Variants in RIMS2 observed in about 807,000 individuals in gnomAD.
RIMS2 encodes regulating synaptic membrane exocytosis 2.
A neutral mutation model predicts 174.4 loss-of-function variants in RIMS2; 59 were observed. The observed-to-expected ratio is 0.34, with a 90% CI of 0.27 to 0.42. RIMS2 has a LOEUF of 0.42. Among genes scored for constraint, RIMS2 ranks in the 10% least tolerant of loss-of-function variants. The probability of loss-of-function intolerance (pLI) is 1.00; values close to 1 mark genes in which losing one functional copy is unlikely to be tolerated. For missense variants in RIMS2, 1,620 were observed against 1,666.3 expected, an observed-to-expected ratio of 0.97 and a Z score of 0.48; for synonymous variants, 606 against 572.5, an observed-to-expected ratio of 1.06 and a Z score of -0.84.
intron 3 of RIMS2, among the ~76,000 whole-genome samples, chr8:103,771,188 A>G (rs2098249127): frequency 1.3e-5 from 2 of 152,238 alleles, no homozygotes; most frequent in Non-Finnish European, 2.9e-5. Context: ...CTTACTTAAC[A>G]TATAGTCATA....
rs552461402 is a variant in RIMS2, at chr8:104,055,290, A to G, written c.3334+40675A>G. Among the ~76,000 whole-genome samples, 33 of 152,286 alleles carry G rather than the reference A, an allele frequency of 2.2e-4. No individual in the cohort carries two copies. In the South Asian group the frequency reaches 6.4e-3, roughly 30 times the overall value. On this transcript the variant is annotated intron_variant, in intron 19 of 23. Coordinates refer to ENST00000504942, the Ensembl canonical transcript of RIMS2. Reference sequence around the variant, plus strand: ...TTTAGTTCATAAATTTAGATCCCAGATATGGAATACAGTGATATTTGATAA... The same window carrying G: ...TTTAGTTCATAAATTTAGATCCCAGGTATGGAATACAGTGATATTTGATAA...
rs1010935662 is a variant in RIMS2, at chr8:104,059,951, G to A, written c.3334+45336G>A. Reference sequence around the variant, plus strand: ...GGTCATGGTGGATAAGCTTTTTGATGTGCTGCTGGATTCGTTTTGCCAGTA... The same window carrying A: ...GGTCATGGTGGATAAGCTTTTTGATATGCTGCTGGATTCGTTTTGCCAGTA... On this transcript the variant is annotated intron_variant, in intron 19 of 23. Transcript: ENST00000504942. Among the ~76,000 whole-genome samples, 23 of 152,152 alleles carry A rather than the reference G, an allele frequency of 1.5e-4. 1 individual carries two copies. Among genetic ancestry groups the A allele is most frequent in the South Asian group, 1.2e-3 (6 of 4,808 alleles).
intron 14 of RIMS2, 128 bp downstream of exon 16, chr8:103,943,054 G>A: frequency 1.5e-6 from 1 of 672,132 alleles, no homozygotes; most frequent in Non-Finnish European, 2.4e-6. Flanking sequence ...CCATAGCTAT[G>A]AATTGTTTGA....
intron 17 of RIMS2, among the ~76,000 whole-genome samples, chr8:104,007,965 G>A (rs951079720): frequency 6.6e-6 from 1 of 152,064 alleles, no homozygotes; most frequent in South Asian, 2.1e-4. Flanking sequence ...CTCTATCCAC[G>A]TAAAAACAGC....
At chr8:104,123,430 A>AT (rs1455415531) in intron 19 of RIMS2, among the ~76,000 whole-genome samples, 2 of 152,014 alleles carry the variant, frequency 1.3e-5, no homozygotes, top group Admixed American at 1.3e-4. Context: ...TAAAACCTTT[A>AT]AGTATGAAAT....
chr8:104,060,248 G>T (rs879712919), intron 19 of RIMS2, among the ~76,000 whole-genome samples: 107 of 150,744 alleles, frequency 7.1e-4, no homozygotes, highest in Non-Finnish European at 1.3e-3. Context: ...CAATTTCAGA[G>T]CCTGTTATTG....
chr8:103,690,268 G>A lies in RIMS2; in HGVS notation c.177-6818G>A, dbSNP rs142543121. Among the ~76,000 whole-genome samples the A allele has an allele frequency of 5.1e-3, 776 of 152,160 alleles. 2 individuals are homozygous for A. The highest frequency in any genetic ancestry group is 7.8e-3 in the Non-Finnish European group (533 of 68,012). ...CATGAGCCACCGCTCCTGGCCGCAT[G>A]TGTCTTTTGATTGGAGAGTTTAGTT... On this transcript the variant is annotated intron_variant, in intron 1 of 23. Coordinates refer to ENST00000504942, the Ensembl canonical transcript of RIMS2.
chr8:104,221,256 G>A (rs903888889), intron 19 of RIMS2, among the ~76,000 whole-genome samples: 3 of 151,930 alleles, frequency 2.0e-5, no homozygotes, highest in East Asian at 1.9e-4. Flanking sequence ...ACATACGTGC[G>A]CACACACATA....
chr8:104,149,748 T>C (rs1159829871), intron 19 of RIMS2, among the ~76,000 whole-genome samples: 1 of 152,200 alleles, frequency 6.6e-6, no homozygotes, highest in African/African-American at 2.4e-5. Flanking sequence ...CAGATATAAA[T>C]CTACAGCACA....
Position 103,526,620 on chromosome 8 carries a change from AAAAG to A in RIMS2, c.176+25561_176+25564del, listed in dbSNP as rs1485970714. Among the ~76,000 whole-genome samples the A allele has an allele frequency of 3.9e-5, 6 of 152,336 alleles. No individual in the cohort carries two copies. In the East Asian group the frequency reaches 9.6e-4, roughly 24 times the overall value. ...ATACATCATGAAAATTAAAAGCAAA[AAAAG>A]AACTGAAAAAGGTAATAAATGAAAT... On this transcript the variant is annotated intron_variant, in intron 1 of 23. Transcript: ENST00000504942.
chr8:103,861,501 G>C (rs1472772952), intron 3 of RIMS2, among the ~76,000 whole-genome samples: 1 of 152,098 alleles, frequency 6.6e-6, no homozygotes, highest in Non-Finnish European at 1.5e-5. Context: ...ACACCCAGTA[G>C]TGCGATTGCT....
At chr8:104,003,984 A>C (rs910748084) in intron 17 of RIMS2, among the ~76,000 whole-genome samples, 1 of 152,156 alleles carries the variant, frequency 6.6e-6, no homozygotes, top group African/African-American at 2.4e-5. Context: ...ATTTTGAGAG[A>C]GTGCAGAGTC....
At chr8:103,669,298 A>C (rs1342775464) in intron 1 of RIMS2, among the ~76,000 whole-genome samples, 1 of 152,190 alleles carries the variant, frequency 6.6e-6, no homozygotes, top group African/African-American at 2.4e-5. Flanking sequence ...GGTTCTTCCC[A>C]AAACGTGGGA....
chr8:103,532,075 AT>A (rs1837453324), intron 1 of RIMS2, among the ~76,000 whole-genome samples: 1 of 152,210 alleles, frequency 6.6e-6, no homozygotes, highest in African/African-American at 2.4e-5. Context: ...TGATTAAGTT[AT>A]GTCAAAATGC....
chr8:103,901,935 G>T (rs72681364), intron 4 of RIMS2, among the ~76,000 whole-genome samples: 20,217 of 152,092 alleles, frequency 0.13, 1,830 homozygotes, highest in Non-Finnish European at 0.2. Context: ...AGAGCAAATT[G>T]CCAGACACTT....
At chr8:103,994,515 T>C (rs1207583734) in intron 17 of RIMS2, among the ~76,000 whole-genome samples, 1 of 152,216 alleles carries the variant, frequency 6.6e-6, no homozygotes, top group Non-Finnish European at 1.5e-5. Flanking sequence ...TTTAAGACAC[T>C]ATGCATACTT....
At chr8:103,709,098 A>G (rs547491761) in intron 2 of RIMS2, among the ~76,000 whole-genome samples, 2 of 152,108 alleles carry the variant, frequency 1.3e-5, no homozygotes, top group African/African-American at 4.8e-5. Flanking sequence ...ATAATCACAG[A>G]CATTGTAGCA....
intron 1 of RIMS2, among the ~76,000 whole-genome samples, chr8:103,515,509 A>T (rs1371476219): frequency 6.6e-6 from 1 of 152,164 alleles, no homozygotes. Context: ...TAGACAACAA[A>T]CTTAGGTATG....
intron 1 of RIMS2, among the ~76,000 whole-genome samples, chr8:103,522,953 T>C (rs1832424257): frequency 6.6e-6 from 1 of 152,124 alleles, no homozygotes; most frequent in African/African-American, 2.4e-5. Context: ...AGAGTTTCAA[T>C]AGATTGGTAG....
Sources: allele counts gnomAD v4.1 joint callset (sites outside exome capture counted in the v4.1 genomes callset), GRCh38; gene constraint gnomAD v4.1.1; transcripts MANE v1.5; gene names NCBI Gene and HGNC (gene_info 2026-07-23, HGNC 2026-07-21).